Variants in SCN2A observed in about 807,000 individuals in gnomAD.
SCN2A encodes sodium voltage-gated channel alpha subunit 2.
In SCN2A, 20 loss-of-function variants were observed where a neutral mutation model predicts 188.7. That is an observed-to-expected ratio of 0.11 (90% CI 0.07 to 0.15). The LOEUF (loss-of-function observed/expected upper bound fraction) is 0.15. Ranked by LOEUF, SCN2A falls within the 10% of genes least tolerant of loss-of-function variation. The probability of loss-of-function intolerance (pLI) is 1.00; values close to 1 mark genes in which losing one functional copy is unlikely to be tolerated. For synonymous variants in SCN2A, 804 were observed against 833.1 expected (o/e 0.97, Z 0.60); for missense variants, 1,278 against 2,445.0 (o/e 0.52, Z 10.07).
At chr2:165,343,583 G>A (rs2105316972) in intron 15 of SCN2A, among the ~76,000 whole-genome samples, 1 of 152,266 alleles carries the variant, frequency 6.6e-6, no homozygotes, top group African/African-American at 2.4e-5. Context: ...TTTGGTGCAT[G>A]TATTTACTCC....
intron 20 of SCN2A, chr2:165,370,505 A>G (rs1383528151): frequency 2.0e-6 from 1 of 498,888 alleles, no homozygotes; most frequent in Non-Finnish European, 3.6e-6. Context: ...AAATGCCATC[A>G]TACTATACTT....
intron 1 of SCN2A, chr2:165,268,519 A>G (rs1386658716): frequency 6.6e-6 from 1 of 151,996 alleles, no homozygotes; most frequent in Non-Finnish European, 1.5e-5. Context: ...CAAAATTGGC[A>G]TAGGAGAAAC....
chr2:165,351,328 G>C (rs188890376), intron 16 of SCN2A, among the ~76,000 whole-genome samples: 92 of 152,208 alleles, frequency 6.0e-4, no homozygotes, highest in Non-Finnish European at 1.0e-3. Flanking sequence ...TTATGAGAAA[G>C]AAAAGTCATA....
intron 1 of SCN2A, among the ~76,000 whole-genome samples, chr2:165,291,571 TCCTTTC>T (rs778707317): frequency 4.0e-5 from 3 of 75,058 alleles, no homozygotes; most frequent in African/African-American, 8.2e-5. Flanking sequence ...CTTCCTTCCT[TCCTTTC>T]TCTCTCTCTC....
chr2:165,351,381 A>G (rs1042346543), intron 16 of SCN2A, among the ~76,000 whole-genome samples: 2 of 152,222 alleles, frequency 1.3e-5, no homozygotes, highest in African/African-American at 4.8e-5. Flanking sequence ...GTGGAATAGC[A>G]TTGAATTGAG....
intron 1 of SCN2A, chr2:165,268,804 A>G (rs1694986481): frequency 6.6e-6 from 1 of 151,970 alleles, no homozygotes; most frequent in Non-Finnish European, 1.5e-5. Flanking sequence ...AATACTCTTC[A>G]GCCTTAACAA....
intron 17 of SCN2A, among the ~76,000 whole-genome samples, chr2:165,363,800 G>A (rs943404406): frequency 6.6e-6 from 1 of 151,696 alleles, no homozygotes; most frequent in Admixed American, 6.6e-5. Context: ...AACTTTTTTG[G>A]ACAAATTAAA....
chr2:165,282,002 C>T (rs1001293062), intron 1 of SCN2A, among the ~76,000 whole-genome samples: 13 of 152,250 alleles, frequency 8.5e-5, no homozygotes, highest in African/African-American at 2.9e-4. Context: ...CCACTCAGTG[C>T]CCCCTTTTTC....
At chr2:165,357,562 G>A (rs1300765346) in intron 17 of SCN2A, among the ~76,000 whole-genome samples, 6 of 152,026 alleles carry the variant, frequency 3.9e-5, no homozygotes, top group Admixed American at 6.6e-5. Context: ...CTCTAGAGTA[G>A]GCCATTTAAA....
chr2:165,378,629 G>C (rs1241482889), intron 23 of SCN2A, among the ~76,000 whole-genome samples: 1 of 151,616 alleles, frequency 6.6e-6, no homozygotes, highest in Non-Finnish European at 1.5e-5. Context: ...ACAAATAATG[G>C]CTCATACCCA....
chr2:165,356,851 T>TTATC (rs1436235141), intron 17 of SCN2A, among the ~76,000 whole-genome samples: 1 of 152,194 alleles, frequency 6.6e-6, no homozygotes, highest in Non-Finnish European at 1.5e-5. Context: ...GTTTCTCTTG[T>TTATC]TATCATTAAG....
chr2:165,343,845 T>C (rs1699435845), intron 15 of SCN2A, among the ~76,000 whole-genome samples: 2 of 152,294 alleles, frequency 1.3e-5, no homozygotes, highest in South Asian at 4.1e-4. Context: ...TATTTGAATA[T>C]AATATATGTT....
chr2:165,277,102 T>G (rs1034393006), intron 1 of SCN2A, among the ~76,000 whole-genome samples: 1 of 152,148 alleles, frequency 6.6e-6, no homozygotes, highest in African/African-American at 2.4e-5. Flanking sequence ...TTTTCTTACT[T>G]AGTAAAAGAT....
intron 8 of SCN2A, among the ~76,000 whole-genome samples, chr2:165,312,304 A>G (rs1217636481): frequency 6.6e-6 from 1 of 152,148 alleles, no homozygotes; most frequent in African/African-American, 2.4e-5. Flanking sequence ...GGTCACATCT[A>G]ATCTTCCAAA....
chr2:165,258,122 G>C (rs1694412222), intron 1 of SCN2A, among the ~76,000 whole-genome samples: 1 of 152,086 alleles, frequency 6.6e-6, no homozygotes, highest in Non-Finnish European at 1.5e-5. Context: ...TAGGTTGTCA[G>C]TTTACTCTGT....
intron 1 of SCN2A, among the ~76,000 whole-genome samples, chr2:165,283,275 G>A (rs1695661953): frequency 6.6e-6 from 1 of 152,194 alleles, no homozygotes; most frequent in African/African-American, 2.4e-5. Flanking sequence ...AGAACCTACA[G>A]CCCAGGAGAC....
chr2:165,291,561 CT>C (rs1416641471), intron 1 of SCN2A, among the ~76,000 whole-genome samples: 6 of 116,910 alleles, frequency 5.1e-5, no homozygotes, highest in Non-Finnish European at 1.1e-4. Context: ...TCCTTCCTTC[CT>C]TCCTTCCTTC....
chr2:165,303,270 G>GGTTTTTTTTTTTT (rs1464026134), intron 3 of SCN2A, among the ~76,000 whole-genome samples: 1 of 91,330 alleles, frequency 1.1e-5, no homozygotes, highest in East Asian at 3.7e-4. Context: ...TGTTATTTGA[G>GGTTTTTTTTTTTT]TTTTTTTTTT....
rs569467656 is a variant in SCN2A, at chr2:165,356,089, C to A, written c.3399+1418C>A. Among the ~76,000 whole-genome samples the A allele has an allele frequency of 2.0e-5, 3 of 149,038 alleles. No individual in the cohort carries two copies. In the East Asian group the frequency reaches 5.9e-4, roughly 29 times the overall value. ...AAGAGTATGTTATTTTCCATTTTTT[C>A]TTGTTTGTAAGTTACGTAGTATTGC... On this transcript the variant is annotated intron_variant, in intron 17 of 26. Transcript: ENST00000375437.
Sources: gnomAD v4.1 joint callset for allele counts (sites outside exome capture counted in the v4.1 genomes callset) on GRCh38, gnomAD v4.1.1 for gene constraint, MANE v1.5 for transcripts, NCBI Gene and HGNC (gene_info 2026-07-23, HGNC 2026-07-21) for gene names.